RHPN1: variants seen among roughly 807,000 people sequenced by gnomAD.
RHPN1 encodes the protein rhophilin Rho GTPase binding protein 1, also known as rhophilin-1.
In RHPN1, 77 loss-of-function variants were observed where a neutral mutation model predicts 74.7. The ratio of observed to expected loss-of-function variants is 1.03; its 90% CI spans 0.86 to 1.25. The LOEUF (loss-of-function observed/expected upper bound fraction) is 1.25. Among genes scored for constraint, RHPN1 ranks in the 50% most tolerant of loss-of-function variants. RHPN1 has a pLI of 0.00. For missense variants in RHPN1, 987 were observed against 932.2 expected (o/e 1.06, Z -0.77); for synonymous variants, 444 against 414.5 (o/e 1.07, Z -0.87).
At chr8:143,377,327 C>T (rs1480663674) in intron 3 of RHPN1, 53 bp from the exon 4 acceptor site, 51 of 1,477,940 alleles carry the variant, frequency 3.5e-5, no homozygotes, top group Middle Eastern at 1.7e-4. Context: ...CCCGGGCTGC[C>T]GTGGGCAGCA....
rs761089667 is a variant in RHPN1 at position 143,376,659 on chromosome 8, G to C, written c.305+6G>C. 6.4e-7 allele frequency: 1 copy of C among 1,560,804 alleles called. No homozygotes were observed. Among genetic ancestry groups the C allele is most frequent in the Non-Finnish European group, 8.7e-7 (1 of 1,152,810 alleles). On this transcript the variant is annotated splice_donor_region_variant and intron_variant, in intron 3 of 14. Transcript: ENST00000289013. ...GACCCTGGCCGGCATGGGAGGTGCG[G>C]GTGGGGGCCGGGACAGCACGTGCGT...
intron 3 of RHPN1, 111 bp downstream of exon 3, chr8:143,376,764 C>A (rs112126996): frequency 3.2e-6 from 4 of 1,256,860 alleles, no homozygotes; most frequent in East Asian, 5.3e-5. Flanking sequence ...TGTGCATTGT[C>A]TGTGTGTGTG....
chr8:143,374,695 G>A (rs1343832802), intron 1 of RHPN1, among the ~76,000 whole-genome samples: 2 of 152,202 alleles, frequency 1.3e-5, no homozygotes, highest in Non-Finnish European at 2.9e-5. Flanking sequence ...AGGCCATGGT[G>A]AGAGGGAGGG....
At position 143,377,016 on chromosome 8, in the gene RHPN1, CTA is replaced by C. The variant is rs200635222; in HGVS notation, c.306-362_306-361del. Among the ~76,000 whole-genome samples, 968 of 145,228 alleles carry C rather than the reference CTA, an allele frequency of 6.7e-3. 9 individuals are homozygous for C. The highest frequency in any genetic ancestry group is 0.02 in the African/African-American group (785 of 38,832). On this transcript the variant is annotated intron_variant, in intron 3 of 14. Coordinates refer to ENST00000289013, the MANE Select transcript of RHPN1 (RefSeq NM_052924.3). ...CGTGTATGTGGGTGTGTGTTTGCCT[CTA>C]TGTGTGCGTGTATGCACGTGTGTCT...
At chr8:143,377,035 C>T (rs764748913) in intron 3 of RHPN1, among the ~76,000 whole-genome samples, 1 of 128,276 alleles carries the variant, frequency 7.8e-6, no homozygotes, top group Non-Finnish European at 1.7e-5. Flanking sequence ...CGTGTATGCA[C>T]GTGTGTCTGT....
In RHPN1 at chr8:143,377,370, C is replaced by T. The variant is rs771306823; in HGVS notation, c.306-10C>T. The stretch of plus-strand genomic sequence containing the variant: ...GCCTTACAGTCTGAAGTCGATGCTT[C>T]TGGTTACAGCGAAGCTGTCACTGTC... On this transcript the variant is annotated splice_polypyrimidine_tract_variant and intron_variant, in intron 3 of 14. Coordinates refer to ENST00000289013, the MANE Select transcript of RHPN1 (RefSeq NM_052924.3). 6.8e-6 allele frequency: 11 copies of T among 1,611,820 alleles called. No individual in the cohort carries two copies. Among genetic ancestry groups the T allele is most frequent in the Non-Finnish European group, 9.3e-6 (11 of 1,178,312 alleles).
chr8:143,377,883 C>T (rs1489530298), intron 4 of RHPN1, among the ~76,000 whole-genome samples: 3 of 152,216 alleles, frequency 2.0e-5, no homozygotes, highest in Non-Finnish European at 4.4e-5. Context: ...CAGGGCCCCA[C>T]GGGAGCCACT....
chr8:143,368,673 A>C, upstream of RHPN1: 3 of 212,704 alleles, frequency 1.4e-5, no homozygotes, highest in Non-Finnish European at 1.9e-5. Flanking sequence ...CGCGGTTGCC[A>C]GGGGTTACCG....
rs759609324 is a variant in RHPN1, at chr8:143,379,354, C to G, written c.791C>G (p.Pro264Arg). 5.0e-6 allele frequency: 8 copies of G among 1,602,902 alleles called. 1 individual carries two copies. In the East Asian group the frequency reaches 6.8e-5, roughly 14 times the overall value. ...CTGAGGGAGAACTTCTCCCATGCGC[C>G]GAGCCCAGACATGAGCGCTGCGTCC... Reference protein sequence around the residue: ...SLLRENFSHAPSPDMSAASLC... With the variant: ...SLLRENFSHARSPDMSAASLC... The change falls in exon 8 of 15, where the codon CCG (proline) becomes CGG (arginine). Residue 264 changes from proline to arginine, a missense_variant. Transcript: ENST00000289013.
At chr8:143,377,646 G>GC (rs146818765) in intron 4 of RHPN1, among the ~76,000 whole-genome samples, 191 bp downstream of exon 4, 6,114 of 152,248 alleles carry the variant, frequency 0.04, 368 homozygotes, top group African/African-American at 0.14. Context: ...TGCGTTCAGG[G>GC]CCCCGCTGGT....
chr8:143,379,016 G>A lies in RHPN1; in HGVS notation c.689G>A (p.Arg230His), dbSNP rs1363547627. Residue 230 changes from arginine (R) to histidine (H), a missense_variant, in exon 7 of 15, where the codon CGC becomes CAC. Arg to His is a conservative substitution (Grantham distance 29). Transcript: ENST00000289013. ...GCCCTCCACACGCAGATTGGGGCGC[G>A]CCAGGACCGCTCCTGCACCGAGGGT... ...IGALHTQIGA[R>H]QDRSCTEGAR... 3.1e-5 allele frequency: 48 copies of A among 1,549,110 alleles called. No homozygotes were observed. The highest frequency in any genetic ancestry group is 1.8e-4 in the Admixed American group (9 of 50,990).
upstream of RHPN1, chr8:143,368,857 G>A: frequency 1.8e-6 from 1 of 544,418 alleles, no homozygotes; most frequent in African/African-American, 2.0e-5. Context: ...AGGAGGGACA[G>A]TCGGGGACCG....
chr8:143,380,621 C>A lies in RHPN1; in HGVS notation c.1249C>A (p.Gln417Lys). 2 of 1,546,376 alleles carry A rather than the reference C, an allele frequency of 1.3e-6. No homozygotes were observed. The highest frequency in any genetic ancestry group is 2.0e-5 in the Admixed American group (1 of 51,174). ...ACACCTGAAGCGTGCCATCCTGGGG[C>A]AGGAGGAGGCGCTGCGGCTGCACGC... ...KAHLKRAILGQEEALRLHALC... is the reference protein window; with the variant it reads ...KAHLKRAILGKEEALRLHALC... Residue 417 changes from glutamine (Q) to lysine (K), a missense_variant, in exon 11 of 15, where the codon CAG becomes AAG. Coordinates refer to ENST00000289013, the MANE Select transcript of RHPN1 (RefSeq NM_052924.3).
Position 143,383,095 on chromosome 8 carries a change from A to G in RHPN1, c.*444A>G, listed in dbSNP as rs949384379. On this transcript the variant is annotated 3_prime_UTR_variant, in exon 15 of 15. Coordinates refer to ENST00000289013, the MANE Select transcript of RHPN1 (RefSeq NM_052924.3). The stretch of plus-strand genomic sequence containing the variant: ...ACTGCCCCTCCACCATGCAGCAGCC[A>G]GACACACCCACAGCACCCGCAGACC... 4 of 213,092 alleles carry G rather than the reference A, an allele frequency of 1.9e-5. No individual in the cohort carries two copies. The East Asian group carries it at 5.4e-4, about 29-fold the overall frequency. 13.2% of individuals were successfully genotyped at this position (213,092 alleles called of 1,614,324 possible). A position where few individuals can be genotyped will look rare whatever the true frequency, so the allele number is the denominator to read the frequency against.
chr8:143,368,728 G>GA (rs1817629844), upstream of RHPN1, among the ~76,000 whole-genome samples: 1 of 152,166 alleles, frequency 6.6e-6, no homozygotes, highest in Non-Finnish European at 1.5e-5. Flanking sequence ...CGCCTTCCTG[G>GA]AACTCTGGTT....
chr8:143,379,889 G>T lies in RHPN1; in HGVS notation c.1006G>T (p.Val336Leu), dbSNP rs749778767. 3 of 1,610,008 alleles carry T rather than the reference G, an allele frequency of 1.9e-6. No homozygotes were observed. Among genetic ancestry groups the T allele is most frequent in the East Asian group, 2.2e-5 (1 of 44,790 alleles). ...GGCCCAGCCACCCGTCCACGACTACGTGCCTGTCTCCTGGACTGCCCTGGT... is the reference window on the plus strand; with the variant it reads ...GGCCCAGCCACCCGTCCACGACTACTTGCCTGTCTCCTGGACTGCCCTGGT... The part of the protein sequence containing the change: ...TMAQPPVHDY[V>L]PVSWTALVHV... The change falls in exon 9 of 15, where the codon GTG becomes TTG. Residue 336 changes from valine (V) to leucine (L), a missense_variant. By Grantham distance (32) the Val-to-Leu change is conservative. Coordinates refer to ENST00000289013, the MANE Select transcript of RHPN1 (RefSeq NM_052924.3).
At chr8:143,378,582 C>G in intron 5 of RHPN1, 114 bp from the exon 6 acceptor site, 1 of 1,378,884 alleles carries the variant, frequency 7.3e-7, no homozygotes, top group Non-Finnish European at 9.7e-7. Context: ...CCCAGGGCCC[C>G]ACTGGCTTTG....
chr8:143,380,119 C>CCTCTAAG lies in RHPN1; in HGVS notation c.1162_1168dup (p.Pro390LeufsTer2). 1.3e-6 allele frequency: 2 copies of CCTCTAAG among 1,551,540 alleles called. No homozygotes were observed. Among genetic ancestry groups the CCTCTAAG allele is most frequent in the Non-Finnish European group, 1.7e-6 (2 of 1,148,862 alleles). On this transcript the variant is annotated frameshift_variant, in exon 10 of 15. Coordinates refer to ENST00000289013, the MANE Select transcript of RHPN1 (RefSeq NM_052924.3). LOFTEE classifies it high-confidence loss of function. ...CAGGTCTTCCTGCAGCCCCCCACCTCCTCTAAGCCCCGAGGCCCTGTGCTG... is the reference window on the plus strand; with the variant it reads ...CAGGTCTTCCTGCAGCCCCCCACCTCCTCTAAGCTCTAAGCCCCGAGGCCCTGTGCTG...
intron 1 of RHPN1, among the ~76,000 whole-genome samples, chr8:143,375,143 A>AG (rs556855587): frequency 9.2e-5 from 14 of 152,218 alleles, no homozygotes; most frequent in Admixed American, 3.9e-4. Flanking sequence ...GGGAGGGGCA[A>AG]GGGGGGGATC....
Sources: allele counts gnomAD v4.1 joint callset (sites outside exome capture counted in the v4.1 genomes callset), GRCh38; gene constraint gnomAD v4.1.1; transcripts MANE v1.5; gene names NCBI Gene and HGNC (gene_info 2026-07-23, HGNC 2026-07-21).